TENM4: variants seen among roughly 807,000 people sequenced by gnomAD.
TENM4 encodes the protein teneurin-4.
A neutral mutation model predicts 243.3 loss-of-function variants in TENM4; 82 were observed. That is an observed-to-expected ratio of 0.34 (90% confidence interval 0.28 to 0.40). The LOEUF (loss-of-function observed/expected upper bound fraction) is 0.40. Among genes scored for constraint, TENM4 ranks in the 10% least tolerant of loss-of-function variants. TENM4 has a pLI of 1.00. For missense variants in TENM4, 3,138 were observed against 3,673.3 expected (o/e 0.85, Z 3.77); for synonymous variants, 1,412 against 1,456.3 (o/e 0.97, Z 0.69).
At chr11:78,988,900 C>T (rs938903852) in intron 6 of TENM4, among the ~76,000 whole-genome samples, 5 of 152,202 alleles carry the variant, frequency 3.3e-5, no homozygotes, top group South Asian at 2.1e-4. Flanking sequence ...TGGTCTCACA[C>T]TCCTGAGCTC....
chr11:78,892,593 T>C (rs1174020988), intron 7 of TENM4, among the ~76,000 whole-genome samples: 1 of 152,206 alleles, frequency 6.6e-6, no homozygotes, highest in Non-Finnish European at 1.5e-5. Context: ...GCTGAGATAA[T>C]GGTGGAAGAA....
At chr11:79,363,993 A>G (rs1857633705) in intron 1 of TENM4, among the ~76,000 whole-genome samples, 1 of 152,204 alleles carries the variant, frequency 6.6e-6, no homozygotes, top group Non-Finnish European at 1.5e-5. Context: ...ATGTTCAATT[A>G]CTTTGATGTT....
At chr11:78,668,300 A>G (rs1238386107) in intron 32 of TENM4, among the ~76,000 whole-genome samples, 1 of 150,534 alleles carries the variant, frequency 6.6e-6, no homozygotes, top group South Asian at 2.1e-4. Context: ...TTATCTTTTT[A>G]GTGGTTTCTC....
intron 19 of TENM4, among the ~76,000 whole-genome samples, chr11:78,750,849 T>TTGTG (rs72172542): frequency 0.063 from 9,168 of 145,708 alleles, 796 homozygotes; most frequent in African/African-American, 0.2. Flanking sequence ...CAAATGAGGC[T>TTGTG]TGTGTGTGTG....
chr11:79,155,182 C>T (rs1255761335), intron 3 of TENM4, among the ~76,000 whole-genome samples: 1 of 152,130 alleles, frequency 6.6e-6, no homozygotes, highest in African/African-American at 2.4e-5. Flanking sequence ...TAGCGGGACC[C>T]AGAAGAGGGA....
At position 79,386,267 on chromosome 11, in the gene TENM4, C is replaced by T. The variant is rs772131230; in HGVS notation, c.-321+54242G>A. 2.4e-4 allele frequency among the ~76,000 whole-genome samples: 36 copies of T among 152,160 alleles called. 1 individual carries two copies. Among genetic ancestry groups the T allele is most frequent in the Middle Eastern group, 3.4e-3 (1 of 294 alleles). On this transcript the variant is annotated intron_variant, in intron 1 of 33. Coordinates refer to ENST00000278550, the MANE Select transcript of TENM4 (RefSeq NM_001098816.3). ...TCATACTTCACACAAAAATCAATTC[C>T]AAATGGGCCACAAACCTAAATCTAA...
intron 6 of TENM4, among the ~76,000 whole-genome samples, chr11:78,940,267 A>G (rs1328833939): frequency 1.3e-5 from 2 of 152,228 alleles, no homozygotes; most frequent in African/African-American, 4.8e-5. Context: ...ATGACTACCT[A>G]AAATTTCATC....
intron 10 of TENM4, among the ~76,000 whole-genome samples, chr11:78,860,766 G>T (rs1026130030): frequency 3.3e-5 from 5 of 152,176 alleles, no homozygotes; most frequent in Non-Finnish European, 5.9e-5. Context: ...CCACTTTGCA[G>T]CACAGTGCTG....
intron 2 of TENM4, among the ~76,000 whole-genome samples, chr11:79,259,481 C>A (rs943825545): frequency 2.0e-5 from 3 of 151,704 alleles, no homozygotes; most frequent in African/African-American, 7.3e-5. Flanking sequence ...AGCCATCTGT[C>A]CATCCATCCA....
intron 6 of TENM4, among the ~76,000 whole-genome samples, chr11:79,019,026 G>A (rs1381512470): frequency 6.6e-6 from 1 of 152,256 alleles, no homozygotes; most frequent in East Asian, 1.9e-4. Flanking sequence ...CTATTCCATG[G>A]TAGTGGTTTG....
At chr11:78,903,856 AGT>A (rs1207511483) in intron 6 of TENM4, 2 of 586,112 alleles carry the variant, frequency 3.4e-6, no homozygotes, top group Admixed American at 4.3e-5. Flanking sequence ...TGGTTTTTAA[AGT>A]GTGGCCAGGG....
At chr11:79,063,906 C>T (rs1462450562) in intron 6 of TENM4, among the ~76,000 whole-genome samples, 2 of 152,132 alleles carry the variant, frequency 1.3e-5, no homozygotes, top group Non-Finnish European at 2.9e-5. Context: ...GAAGCTGCAG[C>T]AAAGCCTCAA....
intron 14 of TENM4, 43 bp downstream of exon 14, chr11:78,812,079 T>C (rs1293716809): frequency 6.5e-7 from 1 of 1,536,032 alleles, no homozygotes; most frequent in Non-Finnish European, 8.8e-7. Context: ...TGCCAGCCTC[T>C]ATCTCAGAGG....
intron 1 of TENM4, among the ~76,000 whole-genome samples, chr11:79,385,077 C>A (rs1195985562): frequency 6.6e-6 from 1 of 151,512 alleles, no homozygotes; most frequent in Non-Finnish European, 1.5e-5. Flanking sequence ...GGGTTGCAGC[C>A]CAAAGTGGCA....
At chr11:79,088,871 G>A (rs1860880510) in intron 4 of TENM4, among the ~76,000 whole-genome samples, 1 of 152,200 alleles carries the variant, frequency 6.6e-6, no homozygotes, top group Non-Finnish European at 1.5e-5. Flanking sequence ...GAAAGACAGA[G>A]CAGGCACCAG....
At chr11:78,896,361 G>GA (rs573776396) in intron 7 of TENM4, among the ~76,000 whole-genome samples, 13 of 150,068 alleles carry the variant, frequency 8.7e-5, no homozygotes, top group Middle Eastern at 3.4e-3. Flanking sequence ...CAAATGAATG[G>GA]AAAAAAAAAT....
At chr11:78,844,460 G>T (rs1056719836) in intron 12 of TENM4, among the ~76,000 whole-genome samples, 6 of 152,138 alleles carry the variant, frequency 3.9e-5, no homozygotes. Flanking sequence ...TGGCCAACAT[G>T]GTGAAACCCC....
At chr11:79,303,470 C>T (rs996292782) in intron 1 of TENM4, among the ~76,000 whole-genome samples, 3 of 152,214 alleles carry the variant, frequency 2.0e-5, no homozygotes, top group African/African-American at 7.2e-5. Context: ...AATTGCTAGA[C>T]TGTGATAATC....
chr11:78,877,724 A>G (rs1859305456), intron 9 of TENM4, among the ~76,000 whole-genome samples: 2 of 152,150 alleles, frequency 1.3e-5, no homozygotes, highest in Non-Finnish European at 2.9e-5. Flanking sequence ...AAATGAATAT[A>G]TGAGTAAATG....
Sources: allele counts gnomAD v4.1 joint callset (sites outside exome capture counted in the v4.1 genomes callset), GRCh38; gene constraint gnomAD v4.1.1; transcripts MANE v1.5; gene names NCBI Gene and HGNC (gene_info 2026-07-23, HGNC 2026-07-21).